The following COL4A3 variants were observed in gnomAD, a reference collection of about 807,000 sequenced individuals.
COL4A3 encodes the protein collagen type IV alpha 3 chain.
COL4A3 carries 135 observed loss-of-function variants against 217.4 expected under a neutral mutation model. The observed-to-expected ratio is 0.62, with a 90% CI of 0.54 to 0.72. COL4A3 has a LOEUF of 0.72. COL4A3 is among the 30% of genes least tolerant of loss of function. The pLI, the probability that COL4A3 is intolerant of heterozygous loss-of-function variation, is 0.00. For synonymous variants in COL4A3, 690 were observed against 736.3 expected, an observed-to-expected ratio of 0.94 and a Z score of 1.02; for missense variants, 1,868 against 2,119.9, an observed-to-expected ratio of 0.88 and a Z score of 2.33.
intron 1 of COL4A3, among the ~76,000 whole-genome samples, chr2:227,165,110 T>C (rs1315537203): frequency 6.6e-6 from 1 of 151,950 alleles, no homozygotes; most frequent in Non-Finnish European, 1.5e-5. Context: ...AATTAAAAAA[T>C]AGACACATAG....
intron 44 of COL4A3, among the ~76,000 whole-genome samples, chr2:227,303,511 A>G (rs972947200): frequency 1.3e-5 from 2 of 152,214 alleles, no homozygotes; most frequent in Non-Finnish European, 2.9e-5. Flanking sequence ...CACATGGTAG[A>G]ACAGGTTTTA....
chr2:227,261,251 T>C (rs1047454492), intron 20 of COL4A3, 134 bp downstream of exon 20: 24 of 803,816 alleles, frequency 3.0e-5, no homozygotes, highest in African/African-American at 1.7e-4. Context: ...CAGGCTGGGT[T>C]CAATGGCTCA....
At chr2:227,309,108 GA>G in intron 49 of COL4A3, 32 bp downstream of exon 49, 1 of 1,612,704 alleles carries the variant, frequency 6.2e-7, no homozygotes, top group Non-Finnish European at 8.5e-7. Flanking sequence ...TTTACAATGG[GA>G]CCAAGTGAAT....
At chr2:227,224,036 C>G (rs2067955812) in intron 1 of COL4A3, among the ~76,000 whole-genome samples, 1 of 152,174 alleles carries the variant, frequency 6.6e-6, no homozygotes, top group Non-Finnish European at 1.5e-5. Context: ...GCAGAAAAGT[C>G]AACATGAAGC....
In COL4A3 at chr2:227,253,409, T is replaced by C. The variant is rs762696910; in HGVS notation, c.687+72T>C. The stretch of plus-strand genomic sequence containing the variant: ...CCAGAGCATATCAGCCTATACCGTT[T>C]ACTTACGGGCCAAGCTGAAATTGAT... On this transcript the variant is annotated intron_variant, in intron 12 of 51. Coordinates refer to ENST00000396578, the MANE Select transcript of COL4A3 (RefSeq NM_000091.5). The surrounding 1 kb of genome is among the most constrained non-coding windows in gnomAD (Gnocchi z 4.4). 3 of 1,540,018 alleles carry C rather than the reference T, an allele frequency of 1.9e-6. No individual in the cohort carries two copies. Among genetic ancestry groups the C allele is most frequent in the Non-Finnish European group, 2.7e-6 (3 of 1,112,548 alleles).
intron 29 of COL4A3, among the ~76,000 whole-genome samples, chr2:227,280,210 T>C (rs1488401331): frequency 6.6e-6 from 1 of 152,164 alleles, no homozygotes; most frequent in Non-Finnish European, 1.5e-5. Flanking sequence ...AACATCTAGA[T>C]TTTTCTCTTT....
At chr2:227,165,884 A>G (rs956810313) in intron 1 of COL4A3, among the ~76,000 whole-genome samples, 1 of 151,996 alleles carries the variant, frequency 6.6e-6, no homozygotes, top group African/African-American at 2.4e-5. Context: ...ACCTCTCCCC[A>G]TTTCCTTGTC....
intron 29 of COL4A3, 84 bp from the exon 30 acceptor site, chr2:227,280,356 G>A (rs2071876747): frequency 6.7e-7 from 1 of 1,497,364 alleles, no homozygotes; most frequent in Non-Finnish European, 9.3e-7. Flanking sequence ...GTGCAACAGG[G>A]ACTTAGAGCC....
chr2:227,266,319 G>A lies in COL4A3; in HGVS notation c.1316-98G>A, dbSNP rs1043503734. 5 of 926,260 alleles carry A rather than the reference G, an allele frequency of 5.4e-6. No individual in the cohort carries two copies. The African/African-American group carries it at 8.2e-5, about 15-fold the overall frequency. The allele number at this position is 926,260 out of a possible 1,614,324, so 57.4% of individuals were successfully genotyped here. ...CTAAAGACTAGGCTTCCAATACAAA[G>A]ATGAGAGAGATGCATTTTAAATAAT... On this transcript the variant is annotated intron_variant, in intron 21 of 51. Coordinates refer to ENST00000396578, the MANE Select transcript of COL4A3 (RefSeq NM_000091.5).
At position 227,298,710 on chromosome 2, in the gene COL4A3, G is replaced by T. The variant is rs1198808322; in HGVS notation, c.3780G>T (p.Gly1260=). 3.7e-6 allele frequency: 6 copies of T among 1,613,914 alleles called. No individual in the cohort carries two copies. The African/African-American group carries it at 8.0e-5, about 22-fold the overall frequency. Residue 1260 remains glycine, a synonymous_variant, in exon 43 of 52, where the codon GGG becomes GGT. Transcript: ENST00000396578. ...PGAPGPPGPP[G]SHVIGIKGDK... is the part of the protein sequence containing the mutation. Reference sequence around the variant, plus strand: ...CGCCTGGTCCCCCTGGACCTCCAGGGAGTCATGTAATAGGCATAAAAGGAG... The same window carrying T: ...CGCCTGGTCCCCCTGGACCTCCAGGTAGTCATGTAATAGGCATAAAAGGAG...
intron 3 of COL4A3, 83 bp from the exon 4 acceptor site, chr2:227,244,237 C>A: frequency 1.8e-6 from 2 of 1,137,616 alleles, no homozygotes; most frequent in Non-Finnish European, 1.3e-6. Flanking sequence ...TGGCATGTGA[C>A]TGAGACTGGG....
chr2:227,240,641 T>A (rs928311653), intron 3 of COL4A3, among the ~76,000 whole-genome samples: 2 of 152,352 alleles, frequency 1.3e-5, no homozygotes, highest in East Asian at 3.9e-4. Context: ...TCTTTTGTTA[T>A]TGGCTTTTCT....
In COL4A3 at chr2:227,307,257, A is replaced by C. The variant is rs148741654; in HGVS notation, c.4253-453A>C. 2.0e-5 allele frequency among the ~76,000 whole-genome samples: 3 copies of C among 152,330 alleles called. No homozygotes were observed. In the East Asian group the frequency reaches 5.8e-4, roughly 29 times the overall value. On this transcript the variant is annotated intron_variant, in intron 47 of 51. Transcript: ENST00000396578. ...AAAAGAGCTTTCAATGTTTTCTGCAATTGTTTATTGTAGACAATGTTGCAA... is the reference window on the plus strand; with the variant it reads ...AAAAGAGCTTTCAATGTTTTCTGCACTTGTTTATTGTAGACAATGTTGCAA...
At chr2:227,288,034 G>A (rs991810321) in intron 34 of COL4A3, among the ~76,000 whole-genome samples, 12 of 152,224 alleles carry the variant, frequency 7.9e-5, no homozygotes, top group African/African-American at 2.9e-4. Flanking sequence ...ACAGATTGCA[G>A]AATGCTTCAT....
At chr2:227,269,650 A>C (rs900309835) in intron 23 of COL4A3, among the ~76,000 whole-genome samples, 1 of 152,170 alleles carries the variant, frequency 6.6e-6, no homozygotes, top group African/African-American at 2.4e-5. Flanking sequence ...TTTTAAAAGT[A>C]ATATATACTC....
At chr2:227,288,341 C>T (rs1310429840) in intron 34 of COL4A3, among the ~76,000 whole-genome samples, 2 of 152,174 alleles carry the variant, frequency 1.3e-5, no homozygotes, top group African/African-American at 4.8e-5. Context: ...AAATGTTCTG[C>T]CCACCTCAGC....
In COL4A3 at chr2:227,292,115, T is replaced by C. The variant is rs149958111; in HGVS notation, c.3211-1076T>C. Among the ~76,000 whole-genome samples, 288 of 152,334 alleles carry C rather than the reference T, an allele frequency of 1.9e-3. 2 individuals carry two copies. The highest frequency in any genetic ancestry group is 6.6e-3 in the African/African-American group (275 of 41,578). On this transcript the variant is annotated intron_variant, in intron 37 of 51. Coordinates refer to ENST00000396578, the MANE Select transcript of COL4A3 (RefSeq NM_000091.5). ...ATTTAGATTTTTAGATTTTCAACAG[T>C]ATATGTATGACTCCAATATATAAAA...
intron 1 of COL4A3, among the ~76,000 whole-genome samples, chr2:227,165,545 C>A (rs2065223868): frequency 6.6e-6 from 1 of 152,122 alleles, no homozygotes; most frequent in Admixed American, 6.5e-5. Flanking sequence ...AACGATTGTG[C>A]CTCCTAGAGT....
At chr2:227,232,902 C>A (rs79989279) in intron 1 of COL4A3, among the ~76,000 whole-genome samples, 14,231 of 152,258 alleles carry the variant, frequency 0.093, 813 homozygotes, top group East Asian at 0.28. Flanking sequence ...TATTCAATTA[C>A]ATGTGGCTGA....
Sources: allele counts gnomAD v4.1 joint callset (sites outside exome capture counted in the v4.1 genomes callset), GRCh38; gene constraint gnomAD v4.1.1; non-coding constraint Gnocchi (gnomAD v3.1); transcripts MANE v1.5; gene names NCBI Gene and HGNC (gene_info 2026-07-23, HGNC 2026-07-21).